ADRA1A: variants seen among roughly 807,000 people sequenced by gnomAD.
The protein encoded by ADRA1A is alpha-1A adrenergic receptor.
In ADRA1A, 31 loss-of-function variants were observed where a neutral mutation model predicts 29.6. That is an observed-to-expected ratio of 1.05 (90% CI 0.79 to 1.41). The LOEUF (loss-of-function observed/expected upper bound fraction) is 1.41, where lower values mean the gene tolerates loss of function less well. Ranked by LOEUF, ADRA1A falls within the 40% of genes most tolerant of loss-of-function variation. The pLI is 0.00. For synonymous variants in ADRA1A, 311 were observed against 254.3 expected, an observed-to-expected ratio of 1.22 and a Z score of -2.12; for missense variants, 619 against 601.1, an observed-to-expected ratio of 1.03 and a Z score of -0.31.
chr8:26,765,973 G>A (rs560310224), downstream of ADRA1A: 89 of 968,328 alleles, frequency 9.2e-5, no homozygotes, highest in East Asian at 1.8e-4. Flanking sequence ...AGGAACAAGC[G>A]ATGTCACATA....
chr8:26,835,271 G>T (rs190290290), intron 2 of ADRA1A, among the ~76,000 whole-genome samples: 76 of 152,294 alleles, frequency 5.0e-4, no homozygotes, highest in Non-Finnish European at 8.7e-4. Context: ...TTTGTAGTGT[G>T]CAAATTCTTT....
intron 2 of ADRA1A, among the ~76,000 whole-genome samples, chr8:26,784,967 G>A (rs1202585148): frequency 6.6e-6 from 1 of 152,150 alleles, no homozygotes; most frequent in East Asian, 1.9e-4. Context: ...AGACTGGGGA[G>A]TTAAGTACCA....
intron 2 of ADRA1A, among the ~76,000 whole-genome samples, chr8:26,794,721 A>G (rs1808075122): frequency 6.6e-6 from 1 of 152,136 alleles, no homozygotes; most frequent in Admixed American, 6.6e-5. Context: ...GATTTGACCT[A>G]TGAGCTCTAG....
chr8:26,770,480 C>T lies in ADRA1A; in HGVS notation c.1070G>A (p.Gly357Asp), dbSNP rs1416977142. 1 of 1,614,192 alleles carries T rather than the reference C, an allele frequency of 6.2e-7. No homozygotes were observed. Among genetic ancestry groups the T allele is most frequent in the Non-Finnish European group, 8.5e-7 (1 of 1,180,042 alleles). ...CTGGCTGGGCGGGTGCAGGGTGTAG[C>T]CCAGGGCATGTTTGGAAGACTGCTT... ...CRKQSSKHAL[G>D]YTLHPPSQAV... The change falls in exon 3 of 3, where the codon GGC becomes GAC. Residue 357 changes from glycine to aspartate, a missense_variant. Physicochemically the swap from Gly to Asp is moderately conservative, Grantham distance 94. Coordinates refer to ENST00000380573, the MANE Select transcript of ADRA1A (RefSeq NM_000680.4).
chr8:26,782,989 T>C (rs1360847704), intron 2 of ADRA1A, among the ~76,000 whole-genome samples: 1 of 152,170 alleles, frequency 6.6e-6, no homozygotes, highest in African/African-American at 2.4e-5. Context: ...ACGAAACCTG[T>C]ATTCACTTGT....
chr8:26,777,193 T>A (rs1337895813), intron 2 of ADRA1A, among the ~76,000 whole-genome samples: 1 of 152,082 alleles, frequency 6.6e-6, no homozygotes, highest in Non-Finnish European at 1.5e-5. Flanking sequence ...CAGCAAGAAG[T>A]TTTTAGATTA....
At chr8:26,762,332 T>C (rs993752424), downstream of ADRA1A, among the ~76,000 whole-genome samples, 2 of 152,084 alleles carry the variant, frequency 1.3e-5, no homozygotes, top group East Asian at 1.9e-4. This position sits in a 1 kb window ranked among gnomAD's most constrained non-coding sequence, Gnocchi z 4.0. Context: ...GTAAAAGTCA[T>C]TGGGGGCCTT....
chr8:26,791,713 T>C (rs571555070), intron 2 of ADRA1A, among the ~76,000 whole-genome samples: 2 of 152,320 alleles, frequency 1.3e-5, no homozygotes. Flanking sequence ...CTTCTTAAAC[T>C]GCCCAGATTT....
rs1006748838 is a variant in ADRA1A at position 26,866,296 on chromosome 8, G to C, written c.-687+640C>G. On this transcript the variant is annotated intron_variant, in intron 1 of 2. Coordinates refer to ENST00000380573, the MANE Select transcript of ADRA1A (RefSeq NM_000680.4). This position sits in a 1 kb window ranked among gnomAD's most constrained non-coding sequence, Gnocchi z 5.7. ...CGAAGACAGAAAGCGACCCAGGTCTGTCCACGACGCCTTTCCAAGCCTCAC... is the reference window on the plus strand; with the variant it reads ...CGAAGACAGAAAGCGACCCAGGTCTCTCCACGACGCCTTTCCAAGCCTCAC... Among the ~76,000 whole-genome samples the C allele has an allele frequency of 1.1e-4, 16 of 152,176 alleles. No individual in the cohort carries two copies. Among genetic ancestry groups the C allele is most frequent in the Non-Finnish European group, 2.9e-5 (2 of 68,026 alleles).
intron 2 of ADRA1A, among the ~76,000 whole-genome samples, chr8:26,748,965 G>T (rs2130134814): frequency 6.6e-6 from 1 of 152,188 alleles, no homozygotes; most frequent in South Asian, 2.1e-4. Flanking sequence ...TTTTGTATTG[G>T]AGAAAGATGT....
Position 26,825,866 on chromosome 8 carries a change from G to A in ADRA1A, c.883+38221C>T, listed in dbSNP as rs895914354. 1.2e-4 allele frequency among the ~76,000 whole-genome samples: 19 copies of A among 152,186 alleles called. No individual in the cohort carries two copies. Among genetic ancestry groups the A allele is most frequent in the East Asian group, 5.8e-4 (3 of 5,196 alleles). On this transcript the variant is annotated intron_variant, in intron 2 of 2. Coordinates refer to ENST00000380573, the MANE Select transcript of ADRA1A (RefSeq NM_000680.4). The surrounding 1 kb of genome is among the most constrained non-coding windows in gnomAD (Gnocchi z 5.7). The stretch of plus-strand genomic sequence containing the variant: ...CAGAAAATCGACTTCCAAGTTCTGC[G>A]CACTGGTGTTTGCATGAGGACATGA...
At chr8:26,755,803 C>T (rs1805136948), downstream of ADRA1A, among the ~76,000 whole-genome samples, 1 of 152,164 alleles carries the variant, frequency 6.6e-6, no homozygotes, top group Admixed American at 6.5e-5. Flanking sequence ...AGTAACCCCA[C>T]ACTGAATATT....
chr8:26,756,568 A>C, exon 3 of ADRA1A: 2 of 1,549,080 alleles, frequency 1.3e-6, no homozygotes, highest in Non-Finnish European at 1.7e-6. Context: ...TTCCTGTATC[A>C]GTAACAGTAA....
At chr8:26,820,014 C>T (rs1349981628) in intron 2 of ADRA1A, among the ~76,000 whole-genome samples, 1 of 152,074 alleles carries the variant, frequency 6.6e-6, no homozygotes, top group Non-Finnish European at 1.5e-5. Context: ...AAAAAAAGGT[C>T]GTTATATAAT....
Position 26,823,674 on chromosome 8 carries a change from G to A in ADRA1A, c.883+40413C>T, listed in dbSNP as rs186962820. ...ACCTTCCTTTTTCCTATAAGACAGA[G>A]GATCAGGACTAGTTGGCCTAGGACC... On this transcript the variant is annotated intron_variant, in intron 2 of 2. Coordinates refer to ENST00000380573, the MANE Select transcript of ADRA1A (RefSeq NM_000680.4). The surrounding 1 kb of genome is among the most constrained non-coding windows in gnomAD (Gnocchi z 4.2). 3.3e-5 allele frequency among the ~76,000 whole-genome samples: 5 copies of A among 152,182 alleles called. No homozygotes were observed. In the East Asian group the frequency reaches 9.7e-4, roughly 29 times the overall value.
chr8:26,801,548 A>C lies in ADRA1A; in HGVS notation c.884-30882T>G, dbSNP rs567819781. On this transcript the variant is annotated intron_variant, in intron 2 of 2. Transcript: ENST00000380573. ...AAATAAAATAAAATACCTAGGAATA[A>C]ACTTAACCAAAGAAGTGAAAGATTT... Among the ~76,000 whole-genome samples the C allele has an allele frequency of 2.6e-5, 4 of 152,298 alleles. No homozygotes were observed. The South Asian group carries it at 8.3e-4, about 32-fold the overall frequency.
At chr8:26,754,088 C>A (rs915493655), downstream of ADRA1A, among the ~76,000 whole-genome samples, 2 of 152,166 alleles carry the variant, frequency 1.3e-5, no homozygotes, top group African/African-American at 4.8e-5. Context: ...TATCTCATCA[C>A]ATCATAAACA....
intron 2 of ADRA1A, chr8:26,835,899 G>C (rs1452295284): frequency 1.3e-5 from 2 of 153,624 alleles, no homozygotes; most frequent in Non-Finnish European, 2.9e-5. Context: ...CAGGGCCCCA[G>C]GGTGAGGATC....
intron 2 of ADRA1A, among the ~76,000 whole-genome samples, chr8:26,811,730 C>A (rs1232546437): frequency 6.6e-6 from 1 of 152,150 alleles, no homozygotes; most frequent in East Asian, 1.9e-4. Flanking sequence ...CAGAAGGCTC[C>A]CTCATGCTCC....
Sources: gnomAD v4.1 joint callset for allele counts (sites outside exome capture counted in the v4.1 genomes callset) on GRCh38, gnomAD v4.1.1 for gene constraint, Gnocchi (gnomAD v3.1) non-coding constraint, MANE v1.5 for transcripts, NCBI Gene and HGNC (gene_info 2026-07-23, HGNC 2026-07-21) for gene names.